AP1G1: variants seen among roughly 807,000 people sequenced by gnomAD.
AP1G1 encodes AP-1 complex subunit gamma-1.
In AP1G1, 7 loss-of-function variants were observed where a neutral mutation model predicts 108.3. The ratio of observed to expected loss-of-function variants is 0.06; its 90% confidence interval spans 0.04 to 0.12. The LOEUF (loss-of-function observed/expected upper bound fraction) is 0.12, where lower values mean the gene tolerates loss of function less well. AP1G1 is among the 10% of genes least tolerant of loss of function. The pLI, the probability that AP1G1 is intolerant of heterozygous loss-of-function variation, is 1.00. For missense variants in AP1G1, 756 were observed against 1,010.7 expected (o/e 0.75, Z 3.42); for synonymous variants, 379 against 353.5 (o/e 1.07, Z -0.81).
chr16:71,746,763 A>G lies in AP1G1; in HGVS notation c.1626-71T>C. 8 of 1,162,156 alleles carry G rather than the reference A, an allele frequency of 6.9e-6. No individual in the cohort carries two copies. In the South Asian group the frequency reaches 1.1e-4, roughly 16 times the overall value. 72.0% of individuals were successfully genotyped at this position (1,162,156 alleles called of 1,614,324 possible). A position where few individuals can be genotyped will look rare whatever the true frequency, so the allele number is the denominator to read the frequency against. ...CACAAATAAGCAGAGATAATGTTTA[A>G]TAAGCCAGAATTTTCTGGTTAAAAT... On this transcript the variant is annotated intron_variant, in intron 16 of 22. Transcript: ENST00000299980.
At position 71,747,846 on chromosome 16, in the gene AP1G1, G is replaced by C. The variant is rs529082970; in HGVS notation, c.1625+405C>G. Among the ~76,000 whole-genome samples, 10 of 152,174 alleles carry C rather than the reference G, an allele frequency of 6.6e-5. No homozygotes were observed. The South Asian group carries it at 1.9e-3, about 28-fold the overall frequency. On this transcript the variant is annotated intron_variant, in intron 16 of 22. Coordinates refer to ENST00000299980, the MANE Select transcript of AP1G1 (RefSeq NM_001128.6). Reference sequence around the variant, plus strand: ...AAAAATGTAAAAATTAGCCAGGCACGATGGTGTGCACTTATAGTCCCAGCT... The same window carrying C: ...AAAAATGTAAAAATTAGCCAGGCACCATGGTGTGCACTTATAGTCCCAGCT...
chr16:71,764,749 T>C, intron 7 of AP1G1, 23 bp from the exon 8 acceptor site: 1 of 1,488,624 alleles, frequency 6.7e-7, no homozygotes, highest in East Asian at 2.3e-5. Context: ...AGATGAGAGG[T>C]GTCAACAAAT....
At chr16:71,774,178 G>T (rs1305877164) in intron 3 of AP1G1, among the ~76,000 whole-genome samples, 1 of 149,684 alleles carries the variant, frequency 6.7e-6, no homozygotes, top group Non-Finnish European at 1.5e-5. Context: ...AGGAGTTCGA[G>T]ACCAGCCTGG....
chr16:71,748,774 T>C (rs899168611), intron 15 of AP1G1, among the ~76,000 whole-genome samples: 3 of 152,246 alleles, frequency 2.0e-5, no homozygotes, highest in African/African-American at 7.2e-5. Flanking sequence ...ACATGTCTCA[T>C]TTCTTCTTGT....
At chr16:71,797,682 C>T (rs2032635802) in intron 1 of AP1G1, among the ~76,000 whole-genome samples, 1 of 152,040 alleles carries the variant, frequency 6.6e-6, no homozygotes, top group East Asian at 1.9e-4. Context: ...GCCTGTGACC[C>T]CAGCTACTCA....
At position 71,769,609 on chromosome 16, in the gene AP1G1, A is replaced by G. The variant is rs746355114; in HGVS notation, c.642+14T>C. 4 of 1,608,140 alleles carry G rather than the reference A, an allele frequency of 2.5e-6. No individual in the cohort carries two copies. In the African/African-American group the frequency reaches 4.0e-5, roughly 16 times the overall value. On this transcript the variant is annotated intron_variant, in intron 6 of 22. Coordinates refer to ENST00000299980, the MANE Select transcript of AP1G1 (RefSeq NM_001128.6). The stretch of plus-strand genomic sequence containing the variant: ...TCAATCAAGAAAGGCTTAGGCATAC[A>G]GAATGGCACCTACCTTTCTGAAATG...
At chr16:71,755,618 C>T (rs529458376) in intron 12 of AP1G1, among the ~76,000 whole-genome samples, 1 of 152,052 alleles carries the variant, frequency 6.6e-6, no homozygotes, top group African/African-American at 2.4e-5. Flanking sequence ...GTGTTTTAAA[C>T]ATATTTAAAG....
chr16:71,789,582 T>G, intron 1 of AP1G1, 100 bp from the exon 2 acceptor site: 1 of 1,233,524 alleles, frequency 8.1e-7, no homozygotes, highest in Non-Finnish European at 1.1e-6. Context: ...TTTTAAGAAT[T>G]CAAGACTTGC....
At chr16:71,734,575 C>T (rs201048980) in intron 22 of AP1G1, 34 bp downstream of exon 22, 17 of 1,497,452 alleles carry the variant, frequency 1.1e-5, no homozygotes, top group African/African-American at 2.8e-5. Context: ...GCTTACACTT[C>T]GGCTCAGATA....
chr16:71,805,103 A>G (rs971791114), intron 1 of AP1G1, among the ~76,000 whole-genome samples: 2 of 152,200 alleles, frequency 1.3e-5, no homozygotes, highest in African/African-American at 2.4e-5. Flanking sequence ...ATTATTCTGC[A>G]TTAGAAACTG....
rs956060542 is a variant in AP1G1 at position 71,772,181 on chromosome 16, A to C, written c.469-929T>G. Among the ~76,000 whole-genome samples the C allele has an allele frequency of 4.0e-5, 6 of 151,048 alleles. No individual in the cohort carries two copies. In the South Asian group the frequency reaches 1.3e-3, roughly 31 times the overall value. On this transcript the variant is annotated intron_variant, in intron 4 of 22. Transcript: ENST00000299980. ...AGTCTCGCTCAGTCGCCCAGGCTAGAGTACAATGGCGCAATGTCGGCTCAC... is the reference window on the plus strand; with the variant it reads ...AGTCTCGCTCAGTCGCCCAGGCTAGCGTACAATGGCGCAATGTCGGCTCAC...
chr16:71,790,516 A>C (rs1171966804), intron 1 of AP1G1, among the ~76,000 whole-genome samples: 1 of 148,274 alleles, frequency 6.7e-6, no homozygotes, highest in Admixed American at 6.9e-5. Context: ...AACAAGAGTG[A>C]AACTCCATCT....
chr16:71,794,835 C>CTTTTCTTT lies in AP1G1; in HGVS notation c.-3-5354_-3-5353insAAAGAAAA, dbSNP rs2032522793. ...TACCATTCTCAGGCCATGAGAAGTGCTTTTTTTTTTTTTTTTTTTTTTTTT... is the reference window on the plus strand; with the variant it reads ...TACCATTCTCAGGCCATGAGAAGTGCTTTTCTTTTTTTTTTTTTTTTTTTTTTTTTTTT... On this transcript the variant is annotated intron_variant, in intron 1 of 22. Transcript: ENST00000299980. Among the ~76,000 whole-genome samples, 12 of 39,658 alleles carry CTTTTCTTT rather than the reference C, an allele frequency of 3.0e-4. 1 individual carries two copies. Among genetic ancestry groups the CTTTTCTTT allele is most frequent in the African/African-American group, 1.2e-3 (11 of 9,548 alleles). The allele number at this position is 39,658 out of a possible 152,430, so 26.0% of individuals were successfully genotyped here. A position where few individuals can be genotyped will look rare whatever the true frequency, so the allele number is the denominator to read the frequency against.
intron 4 of AP1G1, 122 bp downstream of exon 4, chr16:71,773,099 G>T (rs1477567136): frequency 1.9e-6 from 2 of 1,067,614 alleles, no homozygotes; most frequent in African/African-American, 1.6e-5. Context: ...ATGTAAAACA[G>T]ATTTACTACA....
At chr16:71,734,788 C>T in intron 21 of AP1G1, 81 bp from the exon 22 acceptor site, 1 of 1,111,308 alleles carries the variant, frequency 9.0e-7, no homozygotes, top group Non-Finnish European at 1.4e-6. Context: ...TTTAGACACC[C>T]AGATGATGGG....
Position 71,734,639 on chromosome 16 carries a change from T to G in AP1G1, c.2337A>C (p.Thr779=), listed in dbSNP as rs760924711. Residue 779 remains threonine (T), a synonymous_variant, in exon 22 of 23, where the codon ACA becomes ACC. Transcript: ENST00000299980. ...IVPAFNTGTI[T]QVIKVLNPQK... The stretch of plus-strand genomic sequence containing the variant: ...GAGGGTTCAGAACTTTAATGACTTG[T>G]GTGATGGTCCCCGTGTTAAATGCTG... 3.1e-6 allele frequency: 5 copies of G among 1,613,920 alleles called. No homozygotes were observed. In the East Asian group the frequency reaches 1.1e-4, roughly 36 times the overall value.
intron 6 of AP1G1, among the ~76,000 whole-genome samples, chr16:71,768,934 A>G (rs1169985171): frequency 1.3e-3 from 175 of 139,828 alleles, no homozygotes; most frequent in African/African-American, 4.5e-3. Flanking sequence ...AAAAAAAAAA[A>G]AAAAAAGAAA....
At chr16:71,772,322 G>C (rs2031608585) in intron 4 of AP1G1, among the ~76,000 whole-genome samples, 1 of 151,932 alleles carries the variant, frequency 6.6e-6, no homozygotes, top group South Asian at 2.1e-4. Flanking sequence ...GTAGAGACGG[G>C]GTTTCACCAT....
chr16:71,739,584 AC>A (rs1283505632), intron 19 of AP1G1, among the ~76,000 whole-genome samples: 1 of 151,888 alleles, frequency 6.6e-6, no homozygotes, highest in Non-Finnish European at 1.5e-5. Context: ...CCCTGTCTCT[AC>A]AAAAAAAAAT....
Sources: allele counts gnomAD v4.1 joint callset (sites outside exome capture counted in the v4.1 genomes callset), GRCh38; gene constraint gnomAD v4.1.1; transcripts MANE v1.5; gene names NCBI Gene and HGNC (gene_info 2026-07-23, HGNC 2026-07-21).